The following MLLT3 variants were observed in gnomAD, a reference collection of about 807,000 sequenced individuals.
MLLT3 encodes protein AF-9.
A neutral mutation model predicts 53.2 loss-of-function variants in MLLT3; 4 were observed. That is an observed-to-expected ratio of 0.08 (90% CI 0.04 to 0.17). MLLT3 has a LOEUF of 0.17. MLLT3 is among the 10% of genes least tolerant of loss of function. The pLI, the probability that MLLT3 is intolerant of heterozygous loss-of-function variation, is 1.00. For synonymous variants in MLLT3, 283 were observed against 230.6 expected, an observed-to-expected ratio of 1.23 and a Z score of -2.06; for missense variants, 569 against 684.0, an observed-to-expected ratio of 0.83 and a Z score of 1.87.
At chr9:20,598,932 T>A (rs1820343559) in intron 2 of MLLT3, among the ~76,000 whole-genome samples, 1 of 152,144 alleles carries the variant, frequency 6.6e-6, no homozygotes, top group African/African-American at 2.4e-5. Flanking sequence ...GAAACAAAAA[T>A]TAAAGGGAAA....
chr9:20,532,384 TAA>T (rs1223181086), intron 2 of MLLT3, among the ~76,000 whole-genome samples: 2 of 152,102 alleles, frequency 1.3e-5, no homozygotes, highest in Non-Finnish European at 2.9e-5. Context: ...TGTGGAATAG[TAA>T]AAGACACCAA....
chr9:20,602,800 C>T (rs1446931007), intron 2 of MLLT3, among the ~76,000 whole-genome samples: 1 of 120,146 alleles, frequency 8.3e-6, no homozygotes, highest in East Asian at 2.3e-4. Flanking sequence ...ACACACACAG[C>T]ATATGCACAC....
intron 2 of MLLT3, among the ~76,000 whole-genome samples, chr9:20,481,473 T>C (rs1484478581): frequency 2.0e-5 from 3 of 152,208 alleles, no homozygotes; most frequent in East Asian, 1.9e-4. Flanking sequence ...CACCCCAACA[T>C]AAGGACGGCC....
At chr9:20,524,767 G>A (rs1161809378) in intron 2 of MLLT3, among the ~76,000 whole-genome samples, 1 of 152,150 alleles carries the variant, frequency 6.6e-6, no homozygotes, top group East Asian at 1.9e-4. Context: ...CTCTGAATGA[G>A]GTTCCTGCTG....
intron 3 of MLLT3, among the ~76,000 whole-genome samples, chr9:20,450,607 T>G (rs1823814375): frequency 6.6e-6 from 1 of 152,194 alleles, no homozygotes; most frequent in Admixed American, 6.6e-5. Context: ...ACCTGAAATG[T>G]CCTCCCTCCC....
intron 2 of MLLT3, among the ~76,000 whole-genome samples, chr9:20,537,385 A>T (rs947375645): frequency 6.6e-6 from 1 of 152,246 alleles, no homozygotes; most frequent in Non-Finnish European, 1.5e-5. Context: ...TTCTTTTTGT[A>T]CAAGAAAATA....
chr9:20,378,378 A>G (rs1821826156), intron 5 of MLLT3, among the ~76,000 whole-genome samples: 1 of 152,074 alleles, frequency 6.6e-6, no homozygotes, highest in Non-Finnish European at 1.5e-5. Flanking sequence ...GGACAGTCTC[A>G]TTATAACTCA....
chr9:20,581,345 C>A (rs930956137), intron 2 of MLLT3, among the ~76,000 whole-genome samples: 1 of 152,130 alleles, frequency 6.6e-6, no homozygotes, highest in Non-Finnish European at 1.5e-5. Context: ...TTCTTTCTTT[C>A]CCTTTAGAAA....
chr9:20,584,161 C>T (rs564298085), intron 2 of MLLT3, among the ~76,000 whole-genome samples: 1 of 152,298 alleles, frequency 6.6e-6, no homozygotes, highest in Non-Finnish European at 1.5e-5. Context: ...AAAACGCCAC[C>T]AGTCTCTCTG....
At chr9:20,353,445 T>C (rs1821086256) in intron 10 of MLLT3, 80 bp downstream of exon 10, 1 of 1,191,670 alleles carries the variant, frequency 8.4e-7, no homozygotes, top group Non-Finnish European at 1.3e-6. Flanking sequence ...TGCAGTGGCC[T>C]CCAGGTGCTA....
At chr9:20,367,093 G>C (rs758372431) in intron 5 of MLLT3, among the ~76,000 whole-genome samples, 1 of 152,098 alleles carries the variant, frequency 6.6e-6, no homozygotes, top group Non-Finnish European at 1.5e-5. Context: ...GGAAAATGTC[G>C]CCATTGTTTT....
intron 2 of MLLT3, among the ~76,000 whole-genome samples, chr9:20,605,676 A>G (rs760837579): frequency 5.3e-5 from 8 of 152,046 alleles, no homozygotes; most frequent in Admixed American, 1.3e-4. Context: ...GTTTACTTCC[A>G]CAAAGGTTTG....
At chr9:20,572,653 A>C (rs1329523363) in intron 2 of MLLT3, among the ~76,000 whole-genome samples, 1 of 152,042 alleles carries the variant, frequency 6.6e-6, no homozygotes. Context: ...AATTAGCTGG[A>C]TGTGATGGCA....
chr9:20,601,760 C>G (rs10964635), intron 2 of MLLT3, among the ~76,000 whole-genome samples: 1 of 152,160 alleles, frequency 6.6e-6, no homozygotes, highest in Non-Finnish European at 1.5e-5. Flanking sequence ...GCATTTACAG[C>G]TTAGTTCCTG....
chr9:20,449,836 A>G (rs957811074), intron 3 of MLLT3, among the ~76,000 whole-genome samples: 1 of 151,946 alleles, frequency 6.6e-6, no homozygotes, highest in African/African-American at 2.4e-5. Context: ...TTCCTTCTCA[A>G]TCTTCTTCAA....
At chr9:20,471,215 G>C (rs368089959) in intron 2 of MLLT3, among the ~76,000 whole-genome samples, 1 of 151,906 alleles carries the variant, frequency 6.6e-6, no homozygotes, top group East Asian at 1.9e-4. Flanking sequence ...TATATGAAAA[G>C]TATTTTTTTC....
chr9:20,453,770 C>A (rs1056544500), intron 3 of MLLT3, among the ~76,000 whole-genome samples: 7 of 152,126 alleles, frequency 4.6e-5, no homozygotes, highest in Admixed American at 1.3e-4. Flanking sequence ...ACTTTTAAGT[C>A]ATCATTTTTT....
intron 2 of MLLT3, among the ~76,000 whole-genome samples, chr9:20,491,761 A>C (rs1352949541): frequency 6.6e-6 from 1 of 152,112 alleles, no homozygotes; most frequent in Non-Finnish European, 1.5e-5. Context: ...ATACACCTGG[A>C]GCTTTATTCA....
intron 2 of MLLT3, among the ~76,000 whole-genome samples, chr9:20,532,057 T>C (rs1313498889): frequency 3.3e-5 from 5 of 152,138 alleles, no homozygotes; most frequent in Admixed American, 3.3e-4. Flanking sequence ...CGATTGCAAG[T>C]TGTTTTCACA....
Sources: gnomAD v4.1 joint callset for allele counts (sites outside exome capture counted in the v4.1 genomes callset) on GRCh38, gnomAD v4.1.1 for gene constraint, MANE v1.5 for transcripts, NCBI Gene and HGNC (gene_info 2026-07-23, HGNC 2026-07-21) for gene names.